Variants in TNS1 observed in about 807,000 individuals in gnomAD.
The protein encoded by TNS1 is tensin 1, also known as tensin-1.
TNS1 carries 62 observed loss-of-function variants against 168.6 expected under a neutral mutation model. The ratio of observed to expected loss-of-function variants is 0.37; its 90% CI spans 0.30 to 0.45. The LOEUF (loss-of-function observed/expected upper bound fraction) is 0.45. Ranked by LOEUF, TNS1 falls within the 20% of genes least tolerant of loss-of-function variation. The pLI, the probability that TNS1 is intolerant of heterozygous loss-of-function variation, is 1.00. For synonymous variants in TNS1, 934 were observed against 933.2 expected, an observed-to-expected ratio of 1.00 and a Z score of -0.02; for missense variants, 2,240 against 2,339.4, an observed-to-expected ratio of 0.96 and a Z score of 0.88.
chr2:217,865,474 T>C (rs1330666274), intron 18 of TNS1, among the ~76,000 whole-genome samples: 2 of 152,190 alleles, frequency 1.3e-5, no homozygotes, highest in East Asian at 3.9e-4. Flanking sequence ...AGGAGAGAGC[T>C]GAGAAGCTTT....
intron 3 of TNS1, among the ~76,000 whole-genome samples, chr2:217,930,771 G>T (rs950731271): frequency 6.6e-6 from 1 of 152,224 alleles, no homozygotes; most frequent in Admixed American, 6.5e-5. Flanking sequence ...GCTAGAAGAG[G>T]AGGTGTGAAC....
chr2:217,958,798 G>A (rs1957426279), intron 3 of TNS1, among the ~76,000 whole-genome samples: 1 of 152,238 alleles, frequency 6.6e-6, no homozygotes, highest in Admixed American at 6.5e-5. Context: ...GATGGTGGGT[G>A]AGGTTAGGGT....
intron 18 of TNS1, among the ~76,000 whole-genome samples, chr2:217,870,140 A>G (rs1377782945): frequency 6.6e-6 from 1 of 152,234 alleles, no homozygotes; most frequent in African/African-American, 2.4e-5. Context: ...GGGGCCCTTC[A>G]AATGCAGACC....
chr2:217,942,226 C>T (rs1231963319), intron 3 of TNS1, among the ~76,000 whole-genome samples: 1 of 152,208 alleles, frequency 6.6e-6, no homozygotes, highest in African/African-American at 2.4e-5. Flanking sequence ...TCCTCCACCG[C>T]CAAGAACCCT....
chr2:217,867,909 C>G (rs1353031029), intron 18 of TNS1, among the ~76,000 whole-genome samples: 2 of 152,260 alleles, frequency 1.3e-5, no homozygotes, highest in Non-Finnish European at 2.9e-5. Flanking sequence ...CACCCTTACT[C>G]TGCTCCATTT....
At chr2:217,979,250 A>G (rs1191090098) in intron 2 of TNS1, among the ~76,000 whole-genome samples, 2 of 152,064 alleles carry the variant, frequency 1.3e-5, no homozygotes, top group Admixed American at 6.5e-5. Flanking sequence ...AGACAGACAC[A>G]CAGACACAAT....
At position 217,880,530 on chromosome 2, in the gene TNS1, A is replaced by C. The variant is rs1280201516; in HGVS notation, c.1429+368T>G. Among the ~76,000 whole-genome samples, 1 of 152,082 alleles carries C rather than the reference A, an allele frequency of 6.6e-6. No individual in the cohort carries two copies. The highest frequency in any genetic ancestry group is 2.4e-5 in the African/African-American group (1 of 41,408). On this transcript the variant is annotated intron_variant, in intron 18 of 32. Coordinates refer to ENST00000682258, the MANE Select transcript of TNS1 (RefSeq NM_001387777.1). The surrounding 1 kb of genome is among the most constrained non-coding windows in gnomAD (Gnocchi z 4.2). ...TTGCAGCACAGTGGGGGGTATCTCAAGCTCCACTCAAGGCCACATCCTCCA... is the reference window on the plus strand; with the variant it reads ...TTGCAGCACAGTGGGGGGTATCTCACGCTCCACTCAAGGCCACATCCTCCA...
chr2:217,889,577 C>T (rs189906468), intron 12 of TNS1, among the ~76,000 whole-genome samples: 4 of 152,358 alleles, frequency 2.6e-5, no homozygotes, highest in East Asian at 3.9e-4. Context: ...TCATGTTACA[C>T]GTCACCTTCT....
At position 217,886,616 on chromosome 2, in the gene TNS1, G is replaced by A. The variant is rs13419876; in HGVS notation, c.897C>T (p.Ser299=). ...RYVHYFSGLL[S]GSIKMNNKPL... is the part of the protein sequence containing the mutation. ...GCTTGTTGTTCATTTTGATGGAGCC[G>A]GAGAGCAGGCCACTGAAGTAATGCA... Residue 299 remains serine (S), a synonymous_variant, in exon 13 of 33, where the codon TCC becomes TCT. Coordinates refer to ENST00000682258, the MANE Select transcript of TNS1 (RefSeq NM_001387777.1). 4.3e-3 allele frequency: 6,928 copies of A among 1,597,266 alleles called. 298 individuals carry two copies. In the African/African-American group the frequency reaches 0.082, roughly 19 times the overall value.
chr2:217,948,186 G>A lies in TNS1; in HGVS notation c.187-27950C>T, dbSNP rs1309162394. Among the ~76,000 whole-genome samples the A allele has an allele frequency of 1.3e-5, 2 of 152,182 alleles. No individual in the cohort carries two copies. Among genetic ancestry groups the A allele is most frequent in the African/African-American group, 2.4e-5 (1 of 41,448 alleles). On this transcript the variant is annotated intron_variant, in intron 3 of 32. Transcript: ENST00000682258. The surrounding 1 kb of genome is among the most constrained non-coding windows in gnomAD (Gnocchi z 4.1). ...CTAAGGTGAAGTTCCTCTGAGCTGC[G>A]CTAAAAGCTGACAAGATTCCCAGCA...
At chr2:217,861,610 T>C (rs1574855970) in intron 18 of TNS1, among the ~76,000 whole-genome samples, 1 of 152,232 alleles carries the variant, frequency 6.6e-6, no homozygotes, top group African/African-American at 2.4e-5. Flanking sequence ...AGACATTGGT[T>C]TGAATACAGA....
chr2:218,021,422 C>T (rs1163147040), intron 1 of TNS1, among the ~76,000 whole-genome samples: 1 of 152,222 alleles, frequency 6.6e-6, no homozygotes. Context: ...AGGCAGAAAG[C>T]CCCCACCTTC....
chr2:217,917,939 A>G lies in TNS1; in HGVS notation c.228+2256T>C, dbSNP rs1346180075. ...GTAAGTGCAAAGGCCTGGAGGCATC[A>G]TATATGTTCAAGAACCAGCAGGAAG... is the stretch of plus-strand genomic sequence containing the variant. On this transcript the variant is annotated intron_variant, in intron 4 of 32. Transcript: ENST00000682258. Among the ~76,000 whole-genome samples, 15 of 151,996 alleles carry G rather than the reference A, an allele frequency of 9.9e-5. No homozygotes were observed. The Middle Eastern group carries it at 0.024, about 241-fold the overall frequency.
chr2:217,946,963 TCTCTCTCA>T (rs907037882), intron 3 of TNS1, among the ~76,000 whole-genome samples: 2 of 132,362 alleles, frequency 1.5e-5, no homozygotes, highest in African/African-American at 7.4e-5. Flanking sequence ...TCTCTCTCTC[TCTCTCTCA>T]CACACACACA....
chr2:218,007,361 A>G (rs1958667549), upstream of TNS1, among the ~76,000 whole-genome samples: 1 of 152,176 alleles, frequency 6.6e-6, no homozygotes, highest in Non-Finnish European at 1.5e-5. Context: ...AGGCACATAG[A>G]GGTTCAGCAA....
intron 3 of TNS1, among the ~76,000 whole-genome samples, chr2:217,969,253 G>A (rs1161525539): frequency 6.6e-6 from 1 of 152,088 alleles, no homozygotes; most frequent in Non-Finnish European, 1.5e-5. Context: ...AAATAGTGCT[G>A]GAACAAATGG....
intron 3 of TNS1, among the ~76,000 whole-genome samples, chr2:217,932,059 G>A (rs1443826930): frequency 6.6e-6 from 1 of 152,172 alleles, no homozygotes; most frequent in African/African-American, 2.4e-5. Context: ...ATGGCTTTAT[G>A]TTCCCTGGAC....
chr2:217,808,185 C>A (rs1327305460), intron 31 of TNS1, 78 bp from the exon 32 acceptor site: 1 of 1,558,906 alleles, frequency 6.4e-7, no homozygotes, highest in African/African-American at 1.4e-5. Context: ...CCCAGACCCT[C>A]TGCAGGAAGG....
chr2:217,943,579 G>A (rs1436211039), intron 3 of TNS1, among the ~76,000 whole-genome samples: 1 of 152,140 alleles, frequency 6.6e-6, no homozygotes, highest in African/African-American at 2.4e-5. Flanking sequence ...CTGACTGGTT[G>A]CTCTCTCAGA....
Sources: allele counts gnomAD v4.1 joint callset (sites outside exome capture counted in the v4.1 genomes callset), GRCh38; gene constraint gnomAD v4.1.1; non-coding constraint Gnocchi (gnomAD v3.1); transcripts MANE v1.5; gene names NCBI Gene and HGNC (gene_info 2026-07-23, HGNC 2026-07-21).